PPP2R3A: variants seen among roughly 807,000 people sequenced by gnomAD.
PPP2R3A encodes protein phosphatase 2 regulatory subunit B''alpha.
In PPP2R3A, 80 loss-of-function variants were observed where a neutral mutation model predicts 106.9. The ratio of observed to expected loss-of-function variants is 0.75; its 90% CI spans 0.62 to 0.90. The LOEUF (loss-of-function observed/expected upper bound fraction) is 0.90, where lower values mean the gene tolerates loss of function less well. PPP2R3A is among the 40% of genes least tolerant of loss of function. The pLI is 0.00. For synonymous variants in PPP2R3A, 483 were observed against 468.3 expected, an observed-to-expected ratio of 1.03 and a Z score of -0.41; for missense variants, 1,386 against 1,350.4, an observed-to-expected ratio of 1.03 and a Z score of -0.41.
intron 13 of PPP2R3A, among the ~76,000 whole-genome samples, chr3:136,140,064 T>C (rs1049850800): frequency 6.6e-6 from 1 of 151,766 alleles, no homozygotes; most frequent in Non-Finnish European, 1.5e-5. Flanking sequence ...TCTAGTAAAT[T>C]GTTTGTGAAC....
At chr3:136,067,752 C>A (rs542647345) in intron 5 of PPP2R3A, among the ~76,000 whole-genome samples, 14 of 152,288 alleles carry the variant, frequency 9.2e-5, no homozygotes. Context: ...AAATACTATT[C>A]TAGTAGTAAT....
rs955181863 is a variant in PPP2R3A, at chr3:136,103,369, T to G, written c.3215T>G (p.Val1072Gly). 1.3e-6 allele frequency: 2 copies of G among 1,582,546 alleles called. No homozygotes were observed. The change falls in exon 12 of 14, where the codon GTC becomes GGC. Residue 1072 changes from valine to glycine, a missense_variant. Coordinates refer to ENST00000264977, the MANE Select transcript of PPP2R3A (RefSeq NM_002718.5). ...LDHEQRDPFA[V>G]QKDVENDGPE... ...CATGAACAGAGAGATCCCTTTGCGGTCCAGAAGGTAACAGTATAATTTTAA... is the reference window on the plus strand; with the variant it reads ...CATGAACAGAGAGATCCCTTTGCGGGCCAGAAGGTAACAGTATAATTTTAA...
intron 13 of PPP2R3A, among the ~76,000 whole-genome samples, chr3:136,131,215 C>T (rs1436823346): frequency 6.6e-6 from 1 of 152,170 alleles, no homozygotes; most frequent in Non-Finnish European, 1.5e-5. Flanking sequence ...CCATCACCAT[C>T]AGAGTGAACA....
Position 136,002,641 on chromosome 3 carries a change from G to A in PPP2R3A, c.1143G>A (p.Glu381=), listed in dbSNP as rs142493876. The change falls in exon 2 of 14, where the codon GAG becomes GAA. Residue 381 remains glutamate (E), a synonymous_variant. Transcript: ENST00000264977. ...NNSTNSLYNL[E]VNDPRTLKAV... is the part of the protein sequence containing the mutation. Reference sequence around the variant, plus strand: ...CCACAAATTCCTTATATAACTTAGAGGTAAATGATCCTAGAACTCTAAAAG... The same window carrying A: ...CCACAAATTCCTTATATAACTTAGAAGTAAATGATCCTAGAACTCTAAAAG... The A allele has an allele frequency of 3.5e-5, 57 of 1,613,686 alleles. No individual in the cohort carries two copies. In the African/African-American group the frequency reaches 6.5e-4, roughly 18 times the overall value.
chr3:136,005,525 TCTC>T (rs1414123807), intron 2 of PPP2R3A, among the ~76,000 whole-genome samples: 1 of 152,164 alleles, frequency 6.6e-6, no homozygotes, highest in Non-Finnish European at 1.5e-5. Flanking sequence ...TTTGTGTGAA[TCTC>T]CTCATTTGTT....
At chr3:136,136,135 G>T (rs553061386) in intron 13 of PPP2R3A, among the ~76,000 whole-genome samples, 1 of 141,768 alleles carries the variant, frequency 7.1e-6, no homozygotes, top group Non-Finnish European at 1.5e-5. Flanking sequence ...GAAGTTAGAC[G>T]AACCTAACTT....
intron 1 of PPP2R3A, among the ~76,000 whole-genome samples, chr3:135,981,901 T>C (rs1937543731): frequency 6.6e-6 from 1 of 151,466 alleles, no homozygotes; most frequent in South Asian, 2.1e-4. Flanking sequence ...GAGAGGAGTT[T>C]AGACTTTGTT....
In PPP2R3A at chr3:136,087,921, G is replaced by A. The variant is rs1936996218; in HGVS notation, c.2827G>A (p.Ala943Thr). The change falls in exon 9 of 14, where the codon GCA becomes ACA. Residue 943 changes from alanine to threonine, a missense_variant. By Grantham distance (58) the Ala-to-Thr change is moderately conservative (BLOSUM62 0). Coordinates refer to ENST00000264977, the MANE Select transcript of PPP2R3A (RefSeq NM_002718.5). ...GATTATTGAAAGGATATTCTCTGGT[G>A]CAGTAACAAGGTAAGAAAACGTTTA... ...SRIIERIFSG[A>T]VTRGKTIQKE... 6.2e-7 allele frequency: 1 copy of A among 1,608,860 alleles called. No homozygotes were observed. Among genetic ancestry groups the A allele is most frequent in the East Asian group, 2.2e-5 (1 of 44,744 alleles).
At chr3:136,097,064 T>A (rs2107957661) in intron 10 of PPP2R3A, among the ~76,000 whole-genome samples, 1 of 152,294 alleles carries the variant, frequency 6.6e-6, no homozygotes, top group Admixed American at 6.5e-5. Context: ...CAAATATTGG[T>A]GGTAAATATA....
chr3:136,022,916 G>T (rs1478702654), intron 2 of PPP2R3A: 6 of 1,446,414 alleles, frequency 4.1e-6, no homozygotes, highest in Non-Finnish European at 5.4e-6. Context: ...ATTGTGGTCT[G>T]TGGAGGCTGG....
At chr3:136,067,754 A>G (rs933885447) in intron 5 of PPP2R3A, among the ~76,000 whole-genome samples, 1 of 152,234 alleles carries the variant, frequency 6.6e-6, no homozygotes. Context: ...ATACTATTCT[A>G]GTAGTAATGG....
At chr3:136,034,541 C>G (rs1292909588) in intron 3 of PPP2R3A, among the ~76,000 whole-genome samples, 7 of 152,192 alleles carry the variant, frequency 4.6e-5, no homozygotes, top group African/African-American at 1.7e-4. Context: ...TTGAGGGTTC[C>G]TTTTGGAGTT....
chr3:136,102,811 C>T (rs757002176), intron 11 of PPP2R3A, among the ~76,000 whole-genome samples: 3 of 152,016 alleles, frequency 2.0e-5, no homozygotes, highest in Non-Finnish European at 2.9e-5. Context: ...GGCAACACAG[C>T]GAGACTGTAT....
At chr3:135,976,016 A>G (rs1055287018) in intron 1 of PPP2R3A, among the ~76,000 whole-genome samples, 1 of 152,146 alleles carries the variant, frequency 6.6e-6, no homozygotes, top group Non-Finnish European at 1.5e-5. Context: ...TTGGGGCTGA[A>G]TATCTTCTCT....
At chr3:136,075,900 G>C (rs58592880) in intron 6 of PPP2R3A, among the ~76,000 whole-genome samples, 63 of 152,058 alleles carry the variant, frequency 4.1e-4, no homozygotes, top group Non-Finnish European at 8.4e-4. Context: ...GTTTATTTTC[G>C]TACATAAATT....
chr3:136,054,525 G>A (rs1038193771), intron 5 of PPP2R3A, among the ~76,000 whole-genome samples: 1 of 152,092 alleles, frequency 6.6e-6, no homozygotes, highest in African/African-American at 2.4e-5. Flanking sequence ...CCAAAGTGCT[G>A]AGATTACAGG....
chr3:136,001,761 A>G lies in PPP2R3A; in HGVS notation c.263A>G (p.Gln88Arg), dbSNP rs758940012. The G allele has an allele frequency of 1.9e-6, 3 of 1,614,048 alleles. No individual in the cohort carries two copies. The highest frequency in any genetic ancestry group is 2.5e-6 in the Non-Finnish European group (3 of 1,180,034). ...GLSSAEGDYPQQAFTGIPRVK... is the reference protein window; with the variant it reads ...GLSSAEGDYPRQAFTGIPRVK... ...TCTTCGGCTGAAGGAGACTATCCCC[A>G]ACAGGCCTTCACAGGCATACCCAGG... Residue 88 changes from glutamine (Q) to arginine (R), a missense_variant, in exon 2 of 14, where the codon CAA becomes CGA. Physicochemically the swap from Gln to Arg is conservative, Grantham distance 43. Transcript: ENST00000264977.
intron 5 of PPP2R3A, among the ~76,000 whole-genome samples, chr3:136,052,677 AAG>A (rs1935723239): frequency 6.6e-6 from 1 of 152,214 alleles, no homozygotes; most frequent in South Asian, 2.1e-4. Context: ...AGTTTAGACT[AAG>A]AAAATTAGAA....
intron 3 of PPP2R3A, 101 bp downstream of exon 3, chr3:136,027,199 T>G (rs550196511): frequency 1.1e-3 from 1,126 of 1,068,814 alleles, no homozygotes; most frequent in Non-Finnish European, 1.4e-3. Context: ...TCACTGCCTC[T>G]TTGCTCTGTT....
Sources: gnomAD v4.1 joint callset for allele counts (sites outside exome capture counted in the v4.1 genomes callset) on GRCh38, gnomAD v4.1.1 for gene constraint, MANE v1.5 for transcripts, NCBI Gene and HGNC (gene_info 2026-07-23, HGNC 2026-07-21) for gene names.